Variants in RALYL observed in about 807,000 individuals in gnomAD.
RALYL encodes RALY RNA binding protein like.
Under a neutral mutation model 35.1 loss-of-function variants are expected in RALYL, and 29 were observed. That is an observed-to-expected ratio of 0.83 (90% CI 0.61 to 1.13). The LOEUF (loss-of-function observed/expected upper bound fraction) is 1.13, where lower values mean the gene tolerates loss of function less well. RALYL is among the 50% of genes most tolerant of loss of function. The probability of loss-of-function intolerance (pLI) is 0.00; values close to 1 mark genes in which losing one functional copy is unlikely to be tolerated. For synonymous variants in RALYL, 120 were observed against 127.6 expected (o/e 0.94, Z 0.40); for missense variants, 359 against 360.4 (o/e 1.00, Z 0.03).
intron 2 of RALYL, among the ~76,000 whole-genome samples, chr8:84,576,046 G>T (rs1809343473): frequency 6.6e-6 from 1 of 150,782 alleles, no homozygotes; most frequent in Admixed American, 6.6e-5. Context: ...AAAGTAAAAA[G>T]AATATTTTAC....
At chr8:84,212,864 T>A (rs1819834101) in intron 1 of RALYL, among the ~76,000 whole-genome samples, 1 of 152,274 alleles carries the variant, frequency 6.6e-6, no homozygotes, top group South Asian at 2.1e-4. Flanking sequence ...CTTAAAAAAA[T>A]TTTTAAGAAG....
At chr8:84,698,267 A>G (rs1839523299) in intron 2 of RALYL, among the ~76,000 whole-genome samples, 1 of 152,152 alleles carries the variant, frequency 6.6e-6, no homozygotes, top group Non-Finnish European at 1.5e-5. Context: ...CAAGCACTTA[A>G]TAATTGTTCA....
intron 1 of RALYL, among the ~76,000 whole-genome samples, chr8:84,390,966 T>C (rs890692529): frequency 3.3e-5 from 5 of 151,972 alleles, no homozygotes; most frequent in Non-Finnish European, 5.9e-5. Context: ...GGGCCACATG[T>C]CAGTTTGTTT....
chr8:84,214,783 A>G (rs971112885), intron 1 of RALYL, among the ~76,000 whole-genome samples: 1 of 152,198 alleles, frequency 6.6e-6, no homozygotes, highest in Admixed American at 6.5e-5. Context: ...ATTTAAGACC[A>G]TTTATGCCAA....
At chr8:84,619,781 C>A (rs1469739773) in intron 2 of RALYL, among the ~76,000 whole-genome samples, 3 of 151,272 alleles carry the variant, frequency 2.0e-5, no homozygotes, top group Admixed American at 2.0e-4. Flanking sequence ...TCTTTTAGGG[C>A]AGGCCTGATG....
rs1004956650 is a variant in RALYL at position 84,253,995 on chromosome 8, G to A, written c.-24+69571G>A. 6.6e-5 allele frequency among the ~76,000 whole-genome samples: 10 copies of A among 152,216 alleles called. No homozygotes were observed. The South Asian group carries it at 1.2e-3, about 19-fold the overall frequency. ...TTTCTCATATTTTTGTAAATAGGTT[G>A]ACAAATGCATCATGATATGTTCAGC... On this transcript the variant is annotated intron_variant, in intron 1 of 8. Transcript: ENST00000521268.
intron 1 of RALYL, among the ~76,000 whole-genome samples, chr8:84,340,663 T>C (rs1848634481): frequency 6.6e-6 from 1 of 152,052 alleles, no homozygotes; most frequent in South Asian, 2.1e-4. Context: ...AAGTCACTAT[T>C]TTAAGACGAA....
At chr8:84,199,407 C>T (rs1420189021) in intron 1 of RALYL, among the ~76,000 whole-genome samples, 2 of 152,096 alleles carry the variant, frequency 1.3e-5, no homozygotes, top group Admixed American at 6.6e-5. Context: ...AATCTTTTGT[C>T]AGATGGGCAA....
At chr8:84,694,863 C>T (rs2132218248) in intron 2 of RALYL, among the ~76,000 whole-genome samples, 1 of 151,894 alleles carries the variant, frequency 6.6e-6, no homozygotes. Flanking sequence ...GTGTTTTGAA[C>T]ATCTACATGG....
Position 84,586,368 on chromosome 8 carries a change from T to C in RALYL, c.256+56791T>C, listed in dbSNP as rs543023293. ...TAAGAAAATGAGAACTTAGAGAAAT[T>C]TGTGATTAATTTATCCAAAGACATA... On this transcript the variant is annotated intron_variant, in intron 2 of 8. Coordinates refer to ENST00000521268, the MANE Select transcript of RALYL (RefSeq NM_173848.7). 1.6e-4 allele frequency among the ~76,000 whole-genome samples: 24 copies of C among 152,270 alleles called. No individual in the cohort carries two copies. In the South Asian group the frequency reaches 4.8e-3, roughly 30 times the overall value.
At chr8:84,742,973 G>T (rs536291842) in intron 2 of RALYL, among the ~76,000 whole-genome samples, 3 of 151,938 alleles carry the variant, frequency 2.0e-5, no homozygotes, top group Non-Finnish European at 4.4e-5. Flanking sequence ...ATTAAGCATG[G>T]TATCATTCAA....
intron 1 of RALYL, among the ~76,000 whole-genome samples, chr8:84,370,318 A>C (rs1214816733): frequency 6.6e-6 from 1 of 152,098 alleles, no homozygotes; most frequent in Non-Finnish European, 1.5e-5. Flanking sequence ...TGAGCATCCT[A>C]ACCTACTGAA....
intron 7 of RALYL, among the ~76,000 whole-genome samples, chr8:84,880,398 T>G (rs986439588): frequency 2.0e-5 from 3 of 152,022 alleles, no homozygotes; most frequent in Non-Finnish European, 4.4e-5. Flanking sequence ...CTTTCAAAAT[T>G]GAATTCTTTC....
chr8:84,772,301 C>A (rs1815739196), intron 2 of RALYL, among the ~76,000 whole-genome samples: 2 of 152,058 alleles, frequency 1.3e-5, no homozygotes, highest in Non-Finnish European at 1.5e-5. Context: ...CAACTTCATA[C>A]CTTTTTTCCA....
intron 2 of RALYL, among the ~76,000 whole-genome samples, chr8:84,596,916 G>T (rs913484088): frequency 6.6e-6 from 1 of 152,060 alleles, no homozygotes; most frequent in Non-Finnish European, 1.5e-5. Context: ...GAGCAGAAAG[G>T]GGGAGGCTGG....
Position 84,183,647 on chromosome 8 carries a change from T to C in RALYL, c.-801T>C, listed in dbSNP as rs1404007274. On this transcript the variant is annotated 5_prime_UTR_variant, in exon 1 of 9. Coordinates refer to ENST00000521268, the MANE Select transcript of RALYL (RefSeq NM_173848.7). ...GTCCTTTTTTTTGGTTTTTTGTTTT[T>C]TTTGTTTTTGTTTTTTTTCTTTTTT... 1 of 152,696 alleles carries C rather than the reference T, an allele frequency of 6.5e-6. No individual in the cohort carries two copies. Among genetic ancestry groups the C allele is most frequent in the African/African-American group, 2.4e-5 (1 of 41,462 alleles). 9.5% of individuals were successfully genotyped at this position (152,696 alleles called of 1,614,324 possible).
intron 1 of RALYL, among the ~76,000 whole-genome samples, chr8:84,482,758 C>T (rs563093640): frequency 3.2e-4 from 48 of 152,204 alleles, no homozygotes; most frequent in African/African-American, 1.1e-3. Context: ...ATGATCTCCA[C>T]TAATGCACTC....
intron 2 of RALYL, among the ~76,000 whole-genome samples, chr8:84,762,491 T>G (rs1457980592): frequency 6.6e-6 from 1 of 152,192 alleles, no homozygotes; most frequent in Non-Finnish European, 1.5e-5. Flanking sequence ...TCATAGACAC[T>G]TTATGAAAAG....
At chr8:84,825,617 C>T (rs766447033) in intron 4 of RALYL, among the ~76,000 whole-genome samples, 7 of 152,150 alleles carry the variant, frequency 4.6e-5, no homozygotes, top group Non-Finnish European at 8.8e-5. Flanking sequence ...CCCATAATCC[C>T]AGCAATTTGG....
Sources: gnomAD v4.1 joint callset for allele counts (sites outside exome capture counted in the v4.1 genomes callset) on GRCh38, gnomAD v4.1.1 for gene constraint, MANE v1.5 for transcripts, NCBI Gene and HGNC (gene_info 2026-07-23, HGNC 2026-07-21) for gene names.